Variants in SHROOM3 observed in about 807,000 individuals in gnomAD.
The protein encoded by SHROOM3 is shroom family member 3.
A neutral mutation model predicts 138.6 loss-of-function variants in SHROOM3; 47 were observed. The ratio of observed to expected loss-of-function variants is 0.34; its 90% CI spans 0.27 to 0.43. The LOEUF is 0.43. SHROOM3 is among the 20% of genes least tolerant of loss of function. The pLI is 1.00. For synonymous variants in SHROOM3, 1,062 were observed against 1,063.3 expected (o/e 1.00, Z 0.02); for missense variants, 2,491 against 2,596.5 (o/e 0.96, Z 0.88).
intron 2 of SHROOM3, among the ~76,000 whole-genome samples, chr4:76,647,190 T>C (rs1735841446): frequency 6.6e-6 from 1 of 152,152 alleles, no homozygotes; most frequent in African/African-American, 2.4e-5. Context: ...ATGTTTTCAC[T>C]CATATGTGGG....
chr4:76,518,512 T>TACC (rs1732492645), intron 1 of SHROOM3, among the ~76,000 whole-genome samples: 2 of 147,408 alleles, frequency 1.4e-5, no homozygotes, highest in Non-Finnish European at 3.0e-5. Context: ...TCCTTCCTTC[T>TACC]TTCCTTCCTT....
chr4:76,444,000 T>C (rs1329453955), intron 1 of SHROOM3, among the ~76,000 whole-genome samples: 1 of 152,098 alleles, frequency 6.6e-6, no homozygotes, highest in Admixed American at 6.6e-5. Context: ...TGATCACAGC[T>C]CATTGCAGCC....
rs569480007 is a variant in SHROOM3 at position 76,613,493 on chromosome 4, G to A, written c.323+57730G>A. Among the ~76,000 whole-genome samples, 13 of 152,304 alleles carry A rather than the reference G, an allele frequency of 8.5e-5. No homozygotes were observed. In the South Asian group the frequency reaches 2.7e-3, roughly 32 times the overall value. On this transcript the variant is annotated intron_variant, in intron 2 of 10. Coordinates refer to ENST00000296043, the MANE Select transcript of SHROOM3 (RefSeq NM_020859.4). The stretch of plus-strand genomic sequence containing the variant: ...GGAGTCAAGTACCAACAGTACATGA[G>A]AAATATCTTATCCGTCTCATTAACA...
chr4:76,580,823 TAAAAC>T (rs1274271442), intron 2 of SHROOM3, among the ~76,000 whole-genome samples: 2 of 152,224 alleles, frequency 1.3e-5, no homozygotes, highest in Non-Finnish European at 2.9e-5. Flanking sequence ...TTGAGAGAGT[TAAAAC>T]AAAATATGTA....
At chr4:76,612,800 TGTG>T (rs1452100219) in intron 2 of SHROOM3, among the ~76,000 whole-genome samples, 2 of 151,926 alleles carry the variant, frequency 1.3e-5, no homozygotes, top group Non-Finnish European at 2.9e-5. Context: ...AGAAGCCGGA[TGTG>T]GTGGCATGCT....
At chr4:76,548,120 TG>T (rs1214006246) in intron 1 of SHROOM3, among the ~76,000 whole-genome samples, 1 of 151,694 alleles carries the variant, frequency 6.6e-6, no homozygotes, top group Non-Finnish European at 1.5e-5. Context: ...AATGGTTCCC[TG>T]GGGGAAAAGC....
chr4:76,584,355 A>G (rs2110045339), intron 2 of SHROOM3, among the ~76,000 whole-genome samples: 2 of 152,106 alleles, frequency 1.3e-5, no homozygotes, highest in Non-Finnish European at 1.5e-5. Context: ...GATTTCTTTT[A>G]CTGTAACAAC....
chr4:76,551,322 G>A (rs1387401219), intron 1 of SHROOM3, among the ~76,000 whole-genome samples: 1 of 152,172 alleles, frequency 6.6e-6, no homozygotes, highest in African/African-American at 2.4e-5. Flanking sequence ...AATCAGTCAT[G>A]AGGACATGAT....
chr4:76,507,371 G>A (rs76889429), intron 1 of SHROOM3, among the ~76,000 whole-genome samples: 5,812 of 152,128 alleles, frequency 0.038, 158 homozygotes, highest in Non-Finnish European at 0.054. Flanking sequence ...ACTCTAATCA[G>A]CAGGGCCAAT....
chr4:76,755,867 C>T (rs1488104546), intron 7 of SHROOM3, among the ~76,000 whole-genome samples: 1 of 152,220 alleles, frequency 6.6e-6, no homozygotes, highest in South Asian at 2.1e-4. Flanking sequence ...TTCCCCAACA[C>T]ATAGTCCCTA....
At chr4:76,648,857 T>C (rs1014501019) in intron 2 of SHROOM3, among the ~76,000 whole-genome samples, 3 of 152,164 alleles carry the variant, frequency 2.0e-5, no homozygotes, top group African/African-American at 7.2e-5. Flanking sequence ...CTTATATCAT[T>C]TTCTAAAAAG....
intron 9 of SHROOM3, among the ~76,000 whole-genome samples, chr4:76,764,779 C>A (rs1250633086): frequency 6.6e-6 from 1 of 152,150 alleles, no homozygotes; most frequent in African/African-American, 2.4e-5. Flanking sequence ...TCTCTTTCGT[C>A]TTTAGCATTT....
At chr4:76,474,639 G>C (rs990237345) in intron 1 of SHROOM3, among the ~76,000 whole-genome samples, 1 of 152,188 alleles carries the variant, frequency 6.6e-6, no homozygotes, top group Non-Finnish European at 1.5e-5. Context: ...CTGAGGCCAG[G>C]CATGGTGGCT....
intron 1 of SHROOM3, among the ~76,000 whole-genome samples, chr4:76,548,202 G>A (rs1212344908): frequency 2.1e-5 from 3 of 144,500 alleles, no homozygotes; most frequent in African/African-American, 5.1e-5. Context: ...TCCCTGTGCC[G>A]CTGGAAGGCC....
chr4:76,634,200 T>C (rs530348199), intron 2 of SHROOM3, among the ~76,000 whole-genome samples: 2 of 152,250 alleles, frequency 1.3e-5, no homozygotes, highest in South Asian at 4.1e-4. Context: ...AAACAGATAA[T>C]TGATTGATTT....
At chr4:76,478,287 T>TG (rs925299776) in intron 1 of SHROOM3, among the ~76,000 whole-genome samples, 14 of 152,060 alleles carry the variant, frequency 9.2e-5, no homozygotes, top group Non-Finnish European at 1.9e-4. Context: ...TCAAGTTTGG[T>TG]GGGGGGAGGG....
intron 2 of SHROOM3, among the ~76,000 whole-genome samples, chr4:76,628,667 A>G (rs1169466372): frequency 6.6e-6 from 1 of 152,232 alleles, no homozygotes; most frequent in Non-Finnish European, 1.5e-5. Flanking sequence ...AATGTTAAAC[A>G]TAACTATTTT....
At chr4:76,754,093 C>T (rs1475617728) in intron 6 of SHROOM3, among the ~76,000 whole-genome samples, 1 of 152,162 alleles carries the variant, frequency 6.6e-6, no homozygotes, top group Non-Finnish European at 1.5e-5. Flanking sequence ...CCCAGTCATT[C>T]CATGTGACAT....
rs1489002744 is a variant in SHROOM3, at chr4:76,519,237, G to A, written c.169-36372G>A. Among the ~76,000 whole-genome samples, 3 of 152,232 alleles carry A rather than the reference G, an allele frequency of 2.0e-5. No homozygotes were observed. The East Asian group carries it at 5.8e-4, about 30-fold the overall frequency. The stretch of plus-strand genomic sequence containing the variant: ...AAGGAGGGATGCCTTTCCTAGAAAG[G>A]AGGGTGCTGGATAAACAAAGTGCAT... On this transcript the variant is annotated intron_variant, in intron 1 of 10. Coordinates refer to ENST00000296043, the MANE Select transcript of SHROOM3 (RefSeq NM_020859.4).
Sources: gnomAD v4.1 joint callset for allele counts (sites outside exome capture counted in the v4.1 genomes callset) on GRCh38, gnomAD v4.1.1 for gene constraint, MANE v1.5 for transcripts, NCBI Gene and HGNC (gene_info 2026-07-23, HGNC 2026-07-21) for gene names.